Variants in RABGAP1 observed in about 807,000 individuals in gnomAD.
The protein encoded by RABGAP1 is rab GTPase-activating protein 1.
In RABGAP1, 23 loss-of-function variants were observed where a neutral mutation model predicts 137.6. That is an observed-to-expected ratio of 0.17 (90% CI 0.12 to 0.24). The LOEUF is 0.24. Ranked by LOEUF, RABGAP1 falls within the 10% of genes least tolerant of loss-of-function variation. RABGAP1 has a pLI of 1.00. For missense variants in RABGAP1, 906 were observed against 1,275.8 expected, an observed-to-expected ratio of 0.71 and a Z score of 4.42; for synonymous variants, 451 against 450.7, an observed-to-expected ratio of 1.00 and a Z score of -0.01.
upstream of RABGAP1, chr9:122,939,966 A>G (rs1208906996): frequency 1.3e-5 from 2 of 152,354 alleles, no homozygotes; most frequent in African/African-American, 4.8e-5. Context: ...ATAAAGGGGA[A>G]GAGTAAGGAA....
intron 13 of RABGAP1, among the ~76,000 whole-genome samples, chr9:123,039,886 T>A (rs186019337): frequency 5.7e-4 from 84 of 147,752 alleles, no homozygotes; most frequent in African/African-American, 2.2e-3. Flanking sequence ...TTTCTAGCTC[T>A]GTCTTTCCTT....
At chr9:122,943,413 G>C (rs934710575) in intron 1 of RABGAP1, among the ~76,000 whole-genome samples, 2 of 152,092 alleles carry the variant, frequency 1.3e-5, no homozygotes, top group Non-Finnish European at 2.9e-5. Context: ...TACAGTTAAC[G>C]CATTGACATT....
chr9:122,949,668 T>G (rs371668483), intron 1 of RABGAP1, among the ~76,000 whole-genome samples: 2 of 127,078 alleles, frequency 1.6e-5, no homozygotes, highest in East Asian at 2.3e-4. Flanking sequence ...GCATCCAGCC[T>G]GGGTGACAAA....
intron 8 of RABGAP1, 74 bp downstream of exon 8, chr9:122,996,679 A>G: frequency 8.2e-7 from 1 of 1,223,606 alleles, no homozygotes. Context: ...TCTCATCTGA[A>G]TCTAGTGTTA....
chr9:123,062,053 C>T (rs1027201319), intron 13 of RABGAP1: 1 of 152,202 alleles, frequency 6.6e-6, no homozygotes, highest in East Asian at 1.9e-4. Context: ...TGCGCATCAC[C>T]TGAGGTCAGT....
intron 19 of RABGAP1, among the ~76,000 whole-genome samples, chr9:123,086,981 A>C (rs2034886676): frequency 6.6e-6 from 1 of 152,240 alleles, no homozygotes. Flanking sequence ...AAAATAATTC[A>C]TACTCAATGC....
Position 122,984,552 on chromosome 9 carries a change from T to A in RABGAP1, c.218T>A (p.Met73Lys), listed in dbSNP as rs757241963. 1.2e-6 allele frequency: 2 copies of A among 1,614,186 alleles called. No individual in the cohort carries two copies. The highest frequency in any genetic ancestry group is 1.7e-6 in the Non-Finnish European group (2 of 1,180,028). Residue 73 changes from methionine to lysine, a missense_variant, in exon 3 of 26, where the codon ATG (methionine) becomes AAG (lysine). By Grantham distance (95) the Met-to-Lys change is moderately conservative (BLOSUM62 -1). Transcript: ENST00000373647. ...ELADVLMDPP[M>K]DDQPGEKELV... ...GCAGATGTACTGATGGATCCTCCAA[T>A]GGACGACCAGCCAGGGGAAAAGGAG...
intron 8 of RABGAP1, chr9:122,997,057 C>T: frequency 1.0e-5 from 6 of 582,608 alleles, no homozygotes; most frequent in Non-Finnish European, 1.9e-5. Context: ...ATTTGATATT[C>T]GTAAGCATAT....
chr9:123,083,501 G>C (rs1451625072), intron 19 of RABGAP1, among the ~76,000 whole-genome samples: 1 of 152,084 alleles, frequency 6.6e-6, no homozygotes, highest in African/African-American at 2.4e-5. Flanking sequence ...TTAATAAGCT[G>C]GTCTCCCTTA....
rs759482156 is a variant in RABGAP1, at chr9:123,097,121, G to T, written c.2629-620G>T. 3.3e-5 allele frequency among the ~76,000 whole-genome samples: 5 copies of T among 152,246 alleles called. No homozygotes were observed. The East Asian group carries it at 7.7e-4, about 23-fold the overall frequency. On this transcript the variant is annotated intron_variant, in intron 21 of 25. Coordinates refer to ENST00000373647, the MANE Select transcript of RABGAP1 (RefSeq NM_012197.4). ...TTGGAGTGCCCAGCACCAGGAACTC[G>T]TATGTCAGGCAAAAGTATATCATTT...
chr9:123,026,850 A>G (rs1462341449), intron 13 of RABGAP1, among the ~76,000 whole-genome samples: 2 of 152,226 alleles, frequency 1.3e-5, no homozygotes, highest in African/African-American at 4.8e-5. Context: ...CTTATAATTC[A>G]GTGCTTAGTA....
intron 1 of RABGAP1, among the ~76,000 whole-genome samples, chr9:122,943,424 A>G (rs1437549520): frequency 6.6e-6 from 1 of 152,200 alleles, no homozygotes; most frequent in African/African-American, 2.4e-5. Flanking sequence ...CATTGACATT[A>G]ATAGGTATAT....
At chr9:122,959,345 T>C (rs1834718041) in intron 2 of RABGAP1, among the ~76,000 whole-genome samples, 1 of 95,080 alleles carries the variant, frequency 1.1e-5, no homozygotes, top group Non-Finnish European at 1.9e-5. Flanking sequence ...TGGAGCTTAA[T>C]AGAAAGTGTG....
intron 2 of RABGAP1, among the ~76,000 whole-genome samples, chr9:122,978,297 T>G (rs951242824): frequency 9.2e-5 from 14 of 152,230 alleles, no homozygotes; most frequent in Admixed American, 2.0e-4. Context: ...TATGGCTTCT[T>G]TTACATAGAA....
intron 6 of RABGAP1, among the ~76,000 whole-genome samples, chr9:122,993,354 C>T (rs963030028): frequency 2.0e-5 from 3 of 152,072 alleles, no homozygotes; most frequent in Non-Finnish European, 4.4e-5. Context: ...TCATTGCAAC[C>T]TCCTTCTCCC....
chr9:122,956,936 T>C, intron 1 of RABGAP1, 75 bp from the exon 2 acceptor site: 1 of 752,104 alleles, frequency 1.3e-6, no homozygotes, highest in Non-Finnish European at 1.8e-6. Context: ...CTGAATATGT[T>C]GTGTAAGAAG....
intron 6 of RABGAP1, among the ~76,000 whole-genome samples, chr9:122,994,659 G>A (rs570081410): frequency 1.4e-3 from 209 of 152,200 alleles, no homozygotes; most frequent in African/African-American, 4.7e-3. Flanking sequence ...AGCCATTTAC[G>A]GTAGCTACTA....
Position 123,103,394 on chromosome 9 carries a change from TACTGATACTA to T in RABGAP1, c.*184_*193del. The T allele has an allele frequency of 1.2e-6, 1 of 856,094 alleles. No homozygotes were observed. The highest frequency in any genetic ancestry group is 1.7e-6 in the Non-Finnish European group (1 of 580,958). The allele number at this position is 856,094 out of a possible 1,614,324, so 53.0% of individuals were successfully genotyped here. On this transcript the variant is annotated 3_prime_UTR_variant, in exon 26 of 26. Coordinates refer to ENST00000373647, the MANE Select transcript of RABGAP1 (RefSeq NM_012197.4). ...AAGCAGGCAACCTCTGGGGTAAGAC[TACTGATACTA>T]ACAGGCCTGCTAGCTCAGCCGACGC...
chr9:123,045,889 A>G (rs16912523), intron 13 of RABGAP1, among the ~76,000 whole-genome samples: 37,164 of 152,012 alleles, frequency 0.24, 6,513 homozygotes, highest in East Asian at 0.65. Flanking sequence ...GTAAAATTGT[A>G]CTTGGGGGCA....
Sources: gnomAD v4.1 joint callset for allele counts (sites outside exome capture counted in the v4.1 genomes callset) on GRCh38, gnomAD v4.1.1 for gene constraint, MANE v1.5 for transcripts, NCBI Gene and HGNC (gene_info 2026-07-23, HGNC 2026-07-21) for gene names.